LRRC37A2: variants seen among roughly 807,000 people sequenced by gnomAD.
The protein encoded by LRRC37A2 is leucine rich repeat containing 37 member A2, also known as leucine-rich repeat-containing protein 37A2.
A neutral mutation model predicts 68.8 loss-of-function variants in LRRC37A2; 9 were observed. That is an observed-to-expected ratio of 0.13 (90% confidence interval 0.08 to 0.23). The LOEUF (loss-of-function observed/expected upper bound fraction) is 0.23, where lower values mean the gene tolerates loss of function less well. Ranked by LOEUF, LRRC37A2 falls within the 10% of genes least tolerant of loss-of-function variation. The probability of loss-of-function intolerance (pLI) is 1.00; values close to 1 mark genes in which losing one functional copy is unlikely to be tolerated. For synonymous variants in LRRC37A2, 63 were observed against 367.6 expected, an observed-to-expected ratio of 0.17 and a Z score of 9.48; for missense variants, 168 against 950.4, an observed-to-expected ratio of 0.18 and a Z score of 10.82.
chr17:46,896,452 A>G, the LRRC37A2 span, among the ~76,000 whole-genome samples: 6,678 of 64,928 alleles, frequency 0.1, 485 homozygotes, highest in Non-Finnish European at 0.15. Context: ...GAAAGAAAGA[A>G]AAAGAAAGAA....
the LRRC37A2 span, among the ~76,000 whole-genome samples, chr17:47,025,893 C>A: frequency 1.6e-5 from 2 of 122,140 alleles, no homozygotes; most frequent in Non-Finnish European, 3.4e-5. Flanking sequence ...TCTACTCACT[C>A]CCCCCTATTC....
chr17:47,011,714 A>G, the LRRC37A2 span, among the ~76,000 whole-genome samples: 1 of 151,946 alleles, frequency 6.6e-6, no homozygotes, highest in East Asian at 1.9e-4. Context: ...CCAGCCTTTC[A>G]GTTTTCATGG....
At chr17:46,809,513 G>T in the LRRC37A2 span, among the ~76,000 whole-genome samples, 1 of 152,296 alleles carries the variant, frequency 6.6e-6, no homozygotes, top group African/African-American at 2.4e-5. Flanking sequence ...AGTTTTTCCA[G>T]CCGAGCTGGA....
chr17:46,789,303 C>T, the LRRC37A2 span, among the ~76,000 whole-genome samples: 2 of 152,182 alleles, frequency 1.3e-5, no homozygotes, highest in African/African-American at 4.8e-5. Flanking sequence ...CTTCAGAAAA[C>T]CAAGGACAGT....
the LRRC37A2 span, among the ~76,000 whole-genome samples, chr17:46,766,376 C>T: frequency 6.6e-6 from 1 of 151,620 alleles, no homozygotes; most frequent in Non-Finnish European, 1.5e-5. Context: ...CACTTCACTC[C>T]AGCCTGGGCG....
chr17:46,869,379 G>T, the LRRC37A2 span, among the ~76,000 whole-genome samples: 3 of 152,196 alleles, frequency 2.0e-5, no homozygotes, highest in East Asian at 1.9e-4. Context: ...GAGACCCATT[G>T]CTCCCTCCAG....
the LRRC37A2 span, among the ~76,000 whole-genome samples, chr17:46,810,404 T>G: frequency 6.6e-6 from 1 of 152,194 alleles, no homozygotes; most frequent in African/African-American, 2.4e-5. Context: ...CCTCAGCTCC[T>G]TCCTGTAGGG....
the LRRC37A2 span, among the ~76,000 whole-genome samples, chr17:46,881,437 G>A: frequency 7.2e-5 from 11 of 152,220 alleles, no homozygotes; most frequent in African/African-American, 2.7e-4. Flanking sequence ...ACCTCACAAG[G>A]TGGACACCCT....
chr17:46,708,708 G>C, the LRRC37A2 span, among the ~76,000 whole-genome samples: 2 of 147,926 alleles, frequency 1.4e-5, no homozygotes, highest in Admixed American at 1.3e-4. Context: ...TGGCCAGGCT[G>C]GTTTCAAACT....
the LRRC37A2 span, among the ~76,000 whole-genome samples, chr17:46,758,644 C>A: frequency 6.6e-6 from 1 of 152,118 alleles, no homozygotes; most frequent in Non-Finnish European, 1.5e-5. Flanking sequence ...AGAAAAATTG[C>A]ATAATTGTGG....
chr17:47,006,485 G>A, the LRRC37A2 span, among the ~76,000 whole-genome samples: 7 of 152,140 alleles, frequency 4.6e-5, no homozygotes, highest in Admixed American at 2.0e-4. Context: ...GGTGGTGCAT[G>A]CCTGTCATCC....
the LRRC37A2 span, chr17:46,763,210 G>A: frequency 1.3e-5 from 2 of 152,202 alleles, no homozygotes; most frequent in Admixed American, 6.5e-5. Flanking sequence ...TCATTCCCCT[G>A]CTGCATCTCT....
the LRRC37A2 span, among the ~76,000 whole-genome samples, chr17:47,009,961 C>T: frequency 6.6e-6 from 1 of 152,208 alleles, no homozygotes; most frequent in Non-Finnish European, 1.5e-5. Context: ...TTGTGGCCTT[C>T]GCCGGGAGGG....
the LRRC37A2 span, among the ~76,000 whole-genome samples, chr17:46,884,466 C>G: frequency 6.6e-6 from 1 of 151,972 alleles, no homozygotes; most frequent in Admixed American, 6.6e-5. Flanking sequence ...CATGTTTCCC[C>G]AAGTGCTGGG....
At chr17:46,880,901 A>G in the LRRC37A2 span, among the ~76,000 whole-genome samples, 2 of 152,180 alleles carry the variant, frequency 1.3e-5, no homozygotes, top group African/African-American at 4.8e-5. Flanking sequence ...CCCTCATGCT[A>G]TGGCAAGCAG....
the LRRC37A2 span, chr17:46,935,246 T>C: frequency 6.2e-7 from 1 of 1,609,732 alleles, no homozygotes; most frequent in East Asian, 2.2e-5. Flanking sequence ...TGTGTTTATA[T>C]TTTGATTACG....
chr17:46,957,588 A>G, the LRRC37A2 span, among the ~76,000 whole-genome samples: 7 of 151,884 alleles, frequency 4.6e-5, no homozygotes, highest in Non-Finnish European at 8.8e-5. Context: ...ACTCCAGCCT[A>G]GGTGACAGAG....
chr17:46,606,136 G>A, the LRRC37A2 span, among the ~76,000 whole-genome samples: 2 of 32,154 alleles, frequency 6.2e-5, no homozygotes, highest in African/African-American at 3.6e-4. Flanking sequence ...CCGAAATCAC[G>A]CCATTGCACT....
the LRRC37A2 span, chr17:46,768,227 G>C: frequency 1.3e-6 from 2 of 1,570,862 alleles, no homozygotes; most frequent in South Asian, 1.1e-5. The surrounding 1 kb of genome is among the most constrained non-coding windows in gnomAD (Gnocchi z 5.0). Flanking sequence ...AAACAGAAGG[G>C]GGTCGTCAAG....
Sources: gnomAD v4.1 joint callset for allele counts (sites outside exome capture counted in the v4.1 genomes callset) on GRCh38, gnomAD v4.1.1 for gene constraint, Gnocchi (gnomAD v3.1) non-coding constraint, MANE v1.5 for transcripts, NCBI Gene and HGNC (gene_info 2026-07-23, HGNC 2026-07-21) for gene names.